The following TMED3 variants were observed in gnomAD, a reference collection of about 807,000 sequenced individuals.
TMED3 encodes transmembrane emp24 domain-containing protein 3.
A neutral mutation model predicts 15.0 loss-of-function variants in TMED3; 9 were observed. That is an observed-to-expected ratio of 0.60 (90% CI 0.36 to 1.04). The LOEUF is 1.04. TMED3 is among the 50% of genes least tolerant of loss of function. The pLI is 0.01. For missense variants in TMED3, 267 were observed against 278.9 expected (o/e 0.96, Z 0.30); for synonymous variants, 117 against 121.4 (o/e 0.96, Z 0.24).
chr15:79,327,172 A>C (rs1041519437), downstream of TMED3, among the ~76,000 whole-genome samples: 1 of 152,178 alleles, frequency 6.6e-6, no homozygotes, highest in Non-Finnish European at 1.5e-5. Context: ...CTGGTATCAA[A>C]TTTTAATATG....
intron 2 of TMED3, among the ~76,000 whole-genome samples, chr15:79,409,264 C>G (rs1370139579): frequency 1.3e-5 from 2 of 152,308 alleles, no homozygotes; most frequent in Admixed American, 6.5e-5. Flanking sequence ...CACTCCTTCT[C>G]AGTTCAATTT....
chr15:79,352,463 A>G (rs984185465), intron 2 of TMED3, among the ~76,000 whole-genome samples: 2 of 152,068 alleles, frequency 1.3e-5, no homozygotes, highest in Admixed American at 6.6e-5. Flanking sequence ...AAGGATGTCA[A>G]CAGGATTTCA....
chr15:79,377,803 C>T lies in TMED3; in HGVS notation c.418-33597C>T, dbSNP rs545960000. ...CTGGGACTACAGGCGCCCGCCACCGCGCCGGGCCAATTTTTTGTACTTTTA... is the reference window on the plus strand; with the variant it reads ...CTGGGACTACAGGCGCCCGCCACCGTGCCGGGCCAATTTTTTGTACTTTTA... On this transcript the variant is annotated intron_variant, in intron 2 of 2. Transcript: ENST00000424155. Among the ~76,000 whole-genome samples the T allele has an allele frequency of 2.7e-4, 41 of 152,184 alleles. 1 individual carries two copies. The South Asian group carries it at 6.6e-3, about 25-fold the overall frequency.
At chr15:79,363,662 C>T (rs1374355743) in intron 2 of TMED3, among the ~76,000 whole-genome samples, 1 of 152,208 alleles carries the variant, frequency 6.6e-6, no homozygotes, top group Non-Finnish European at 1.5e-5. Flanking sequence ...CAGTTTACAA[C>T]TGAGCAGCAA....
At chr15:79,327,649 C>T (rs886775947), downstream of TMED3, among the ~76,000 whole-genome samples, 12 of 152,182 alleles carry the variant, frequency 7.9e-5, no homozygotes, top group Non-Finnish European at 1.5e-4. Context: ...TCTACTCACA[C>T]GCACCCAAAA....
intron 2 of TMED3, among the ~76,000 whole-genome samples, chr15:79,320,257 C>T (rs1378394544): frequency 6.6e-6 from 1 of 152,178 alleles, no homozygotes; most frequent in African/African-American, 2.4e-5. Flanking sequence ...CTCACTATGT[C>T]CCCTCAGCTC....
At chr15:79,340,339 G>T (rs2058847068) in intron 2 of TMED3, among the ~76,000 whole-genome samples, 1 of 152,162 alleles carries the variant, frequency 6.6e-6, no homozygotes. Context: ...GGAATTTCGG[G>T]GCCAGTCAAC....
At chr15:79,313,684 T>A in intron 1 of TMED3, 73 bp from the exon 2 acceptor site, 1 of 1,538,182 alleles carries the variant, frequency 6.5e-7, no homozygotes, top group Non-Finnish European at 8.8e-7. Context: ...TAGAGTCTGA[T>A]CACAGTGTCT....
intron 2 of TMED3, among the ~76,000 whole-genome samples, chr15:79,352,734 T>C (rs1381483335): frequency 2.1e-5 from 3 of 144,302 alleles, no homozygotes; most frequent in Admixed American, 7.1e-5. Flanking sequence ...TATGGTACTC[T>C]TGCTAGTTCT....
intron 2 of TMED3, among the ~76,000 whole-genome samples, chr15:79,375,400 A>G (rs1214658648): frequency 6.6e-6 from 1 of 152,152 alleles, no homozygotes; most frequent in Non-Finnish European, 1.5e-5. Context: ...GTGTGGGGCC[A>G]AATTCCACTG....
chr15:79,360,209 TG>T (rs1013374400), intron 2 of TMED3, among the ~76,000 whole-genome samples: 2 of 152,032 alleles, frequency 1.3e-5, no homozygotes, highest in African/African-American at 4.8e-5. Flanking sequence ...CCCAAGATGT[TG>T]AATCCACCTA....
At chr15:79,409,309 C>T (rs938587223) in intron 2 of TMED3, among the ~76,000 whole-genome samples, 6 of 152,170 alleles carry the variant, frequency 3.9e-5, no homozygotes, top group African/African-American at 1.4e-4. Flanking sequence ...ATCTTCCAAC[C>T]AAAGGATGTC....
intron 2 of TMED3, among the ~76,000 whole-genome samples, chr15:79,353,328 T>C (rs374354539): frequency 3.8e-5 from 3 of 78,466 alleles, no homozygotes; most frequent in Middle Eastern, 5.7e-3. Context: ...ATATATATAA[T>C]ATATATTATG....
At chr15:79,332,704 G>C (rs2141224315) in intron 2 of TMED3, among the ~76,000 whole-genome samples, 1 of 152,278 alleles carries the variant, frequency 6.6e-6, no homozygotes, top group African/African-American at 2.4e-5. Flanking sequence ...CTCCTTCCAG[G>C]CCCACGGACC....
At chr15:79,407,650 G>T (rs1392359263) in intron 2 of TMED3, among the ~76,000 whole-genome samples, 2 of 152,150 alleles carry the variant, frequency 1.3e-5, no homozygotes, top group Non-Finnish European at 2.9e-5. Flanking sequence ...AGTTTTATTG[G>T]AACACTTCCA....
Position 79,311,307 on chromosome 15 carries a change from CGGGCCGAGCAGCCCTGCG to C in TMED3, c.68_85del (p.Gln23_Glu28del). On this transcript the variant is annotated inframe_deletion, in exon 1 of 3. Coordinates refer to ENST00000299705, the MANE Select transcript of TMED3 (RefSeq NM_007364.4). ...GCTGCTTCTGCTGCTGCTCCTGCGC[CGGGCCGAGCAGCCCTGCG>C]GGGCCGAGCTCACCTTCGAGCTGCC... The C allele has an allele frequency of 1.2e-6, 2 of 1,606,878 alleles. No homozygotes were observed. The highest frequency in any genetic ancestry group is 1.1e-5 in the South Asian group (1 of 90,056).
intron 2 of TMED3, among the ~76,000 whole-genome samples, chr15:79,377,961 TAATGTTAA>T (rs891037777): frequency 3.3e-5 from 5 of 152,228 alleles, no homozygotes; most frequent in Non-Finnish European, 7.3e-5. Flanking sequence ...AACTGTTCTA[TAATGTTAA>T]AAAGTTTTAT....
chr15:79,376,586 A>T (rs952576402), intron 2 of TMED3, among the ~76,000 whole-genome samples: 2 of 152,138 alleles, frequency 1.3e-5, no homozygotes, highest in Non-Finnish European at 2.9e-5. Context: ...CACTGTTGCA[A>T]TTGTTATTTG....
At chr15:79,315,500 T>G (rs563153289) in intron 2 of TMED3, among the ~76,000 whole-genome samples, 2 of 152,306 alleles carry the variant, frequency 1.3e-5, no homozygotes, top group South Asian at 2.1e-4. Context: ...CAGCCTCTAT[T>G]GGGAAGATTC....
Sources: gnomAD v4.1 joint callset for allele counts (sites outside exome capture counted in the v4.1 genomes callset) on GRCh38, gnomAD v4.1.1 for gene constraint, MANE v1.5 for transcripts, NCBI Gene and HGNC (gene_info 2026-07-23, HGNC 2026-07-21) for gene names.